The following TEK variants were observed in gnomAD, a reference collection of about 807,000 sequenced individuals.
TEK encodes the protein TEK receptor tyrosine kinase, also known as angiopoietin-1 receptor.
Under a neutral mutation model 131.8 loss-of-function variants are expected in TEK, and 43 were observed. The observed-to-expected ratio is 0.33, with a 90% confidence interval of 0.26 to 0.42. The LOEUF is 0.42. Ranked by LOEUF, TEK falls within the 10% of genes least tolerant of loss-of-function variation. TEK has a pLI of 1.00. For synonymous variants in TEK, 580 were observed against 491.6 expected (o/e 1.18, Z -2.38); for missense variants, 1,162 against 1,384.4 (o/e 0.84, Z 2.55).
intron 18 of TEK, among the ~76,000 whole-genome samples, chr9:27,215,509 T>C (rs1825789916): frequency 6.6e-6 from 1 of 152,000 alleles, no homozygotes; most frequent in Non-Finnish European, 1.5e-5. Context: ...TTGAGTCCTA[T>C]CCTGTGGATA....
At chr9:27,205,775 T>C (rs943160147) in intron 14 of TEK, among the ~76,000 whole-genome samples, 2 of 152,212 alleles carry the variant, frequency 1.3e-5, no homozygotes, top group African/African-American at 2.4e-5. Context: ...GTAAAATTAA[T>C]TTGAACCAGA....
intron 4 of TEK, among the ~76,000 whole-genome samples, chr9:27,170,169 A>C (rs1345846723): frequency 6.6e-6 from 1 of 152,148 alleles, no homozygotes; most frequent in Non-Finnish European, 1.5e-5. Context: ...ACTCACTATC[A>C]TGTGAACAGC....
At chr9:27,214,642 CAT>C (rs1825753694) in intron 18 of TEK, among the ~76,000 whole-genome samples, 1 of 152,146 alleles carries the variant, frequency 6.6e-6, no homozygotes, top group South Asian at 2.1e-4. Flanking sequence ...ACCACCTTGG[CAT>C]ATATATTTTT....
In TEK at chr9:27,173,291, A is replaced by T. The variant is rs767297984; in HGVS notation, c.830A>T (p.Tyr277Phe). 1.2e-6 allele frequency: 2 copies of T among 1,613,978 alleles called. No individual in the cohort carries two copies. The highest frequency in any genetic ancestry group is 2.7e-5 in the African/African-American group (2 of 74,934). ...RCSGQEGCKS[Y>F]VFCLPDPYGC... ...AGTGGACAAGAGGGATGCAAGTCTT[A>T]TGTGTTCTGTCTCCCTGACCCCTAT... Residue 277 changes from tyrosine to phenylalanine, a missense_variant, in exon 6 of 23, where the codon TAT becomes TTT. By Grantham distance (22) the Tyr-to-Phe change is conservative. Around this residue, in one of 6 missense-constraint regions of TEK, gnomAD observed 436 missense variants for 539.1 expected, o/e 0.81. Coordinates refer to ENST00000380036, the MANE Select transcript of TEK (RefSeq NM_000459.5).
chr9:27,194,114 C>T (rs891641807), intron 11 of TEK, among the ~76,000 whole-genome samples: 4 of 152,198 alleles, frequency 2.6e-5, no homozygotes, highest in Non-Finnish European at 5.9e-5. Context: ...GTCCAGGCTC[C>T]ATATCCTTTT....
intron 1 of TEK, among the ~76,000 whole-genome samples, chr9:27,143,522 C>T (rs969591357): frequency 2.6e-5 from 4 of 152,088 alleles, no homozygotes; most frequent in African/African-American, 9.7e-5. Flanking sequence ...AATTTGTGTA[C>T]TAAATGTGAC....
At position 27,155,741 on chromosome 9, in the gene TEK, A is replaced by G. The variant is rs369172950; in HGVS notation, c.53-2090A>G. 1.4e-4 allele frequency among the ~76,000 whole-genome samples: 22 copies of G among 151,878 alleles called. No homozygotes were observed. In the East Asian group the frequency reaches 4.3e-3, roughly 29 times the overall value. On this transcript the variant is annotated intron_variant, in intron 1 of 22. Coordinates refer to ENST00000380036, the MANE Select transcript of TEK (RefSeq NM_000459.5). The stretch of plus-strand genomic sequence containing the variant: ...ATTGTAATGTTTTTTTCCCCAAAAC[A>G]TTGGGAATAATGTTTTTTTGCCCCA...
intron 12 of TEK, among the ~76,000 whole-genome samples, chr9:27,197,891 A>G (rs529177149): frequency 6.6e-6 from 1 of 152,296 alleles, no homozygotes; most frequent in African/African-American, 2.4e-5. Flanking sequence ...TGAACCATTT[A>G]TGGGGTAGTT....
intron 1 of TEK, 131 bp downstream of exon 1, chr9:27,109,773 T>C (rs1238305523): frequency 7.0e-6 from 6 of 853,798 alleles, no homozygotes; most frequent in African/African-American, 1.7e-5. Flanking sequence ...CATTTCTCTG[T>C]GAGTCTCCAG....
chr9:27,219,858 T>C (rs537061724), intron 20 of TEK, among the ~76,000 whole-genome samples, 191 bp from the exon 21 acceptor site: 5 of 152,302 alleles, frequency 3.3e-5, no homozygotes, highest in African/African-American at 1.2e-4. Context: ...GCAATGATCA[T>C]GCTTTGGCAT....
intron 12 of TEK, 69 bp downstream of exon 12, chr9:27,197,668 C>T (rs1825078967): frequency 5.7e-6 from 9 of 1,588,232 alleles, no homozygotes; most frequent in Non-Finnish European, 7.7e-6. Flanking sequence ...ACTTAGCTAA[C>T]ATCACTGCAG....
rs986676339 is a variant in TEK at position 27,212,611 on chromosome 9, A to G, written c.2687-96A>G. On this transcript the variant is annotated intron_variant, in intron 16 of 22. Coordinates refer to ENST00000380036, the MANE Select transcript of TEK (RefSeq NM_000459.5). ...GTGTTGCTAGATGTGTTTTTTAGACAAAATGGAGTTTATAGGCAATTTCCA... is the reference window on the plus strand; with the variant it reads ...GTGTTGCTAGATGTGTTTTTTAGACGAAATGGAGTTTATAGGCAATTTCCA... 5 of 1,376,408 alleles carry G rather than the reference A, an allele frequency of 3.6e-6. No individual in the cohort carries two copies. In the African/African-American group the frequency reaches 7.2e-5, roughly 20 times the overall value. 85.3% of individuals were successfully genotyped at this position (1,376,408 alleles called of 1,614,324 possible).
At chr9:27,129,395 G>A (rs1822124716) in intron 1 of TEK, among the ~76,000 whole-genome samples, 1 of 152,086 alleles carries the variant, frequency 6.6e-6, no homozygotes, top group African/African-American at 2.4e-5. Flanking sequence ...TTCCTTTCCA[G>A]TTCCCAGCCT....
At chr9:27,201,067 A>G (rs935935116) in intron 12 of TEK, among the ~76,000 whole-genome samples, 10 of 152,200 alleles carry the variant, frequency 6.6e-5, no homozygotes, top group Admixed American at 1.3e-4. Flanking sequence ...AAGTAGTGAT[A>G]TCCCGTTTCT....
At chr9:27,122,792 G>A (rs971455999) in intron 1 of TEK, among the ~76,000 whole-genome samples, 6 of 151,976 alleles carry the variant, frequency 3.9e-5, no homozygotes, top group East Asian at 1.9e-4. Flanking sequence ...AGTGGCTCAC[G>A]CCTGTAATCT....
At chr9:27,183,378 C>CTA in intron 7 of TEK, 81 bp from the exon 8 acceptor site, 1 of 1,497,442 alleles carries the variant, frequency 6.7e-7, no homozygotes, top group South Asian at 1.1e-5. Context: ...GCATGACTTA[C>CTA]TAAAGTAGCT....
intron 1 of TEK, among the ~76,000 whole-genome samples, chr9:27,128,064 T>A (rs1180764068): frequency 2.0e-5 from 3 of 152,260 alleles, no homozygotes; most frequent in Non-Finnish European, 4.4e-5. Context: ...GCCTATGTCC[T>A]GAATGGTATT....
rs1564107904 is a variant in TEK, at chr9:27,219,755, T to TCAGAAAA, written c.3104-294_3104-293insCAGAAAA. On this transcript the variant is annotated intron_variant, in intron 20 of 22. Transcript: ENST00000380036. ...AAAAAGGTTAATCTTATTGGTATAA[T>TCAGAAAA]AAAGGTTAATCTTATTGGTATAATA... Among the ~76,000 whole-genome samples, 29 of 139,376 alleles carry TCAGAAAA rather than the reference T, an allele frequency of 2.1e-4. No individual in the cohort carries two copies. In the East Asian group the frequency reaches 5.4e-3, roughly 26 times the overall value. 91.4% of individuals were successfully genotyped at this position (139,376 alleles called of 152,430 possible).
At chr9:27,129,847 A>G (rs1449443106) in intron 1 of TEK, among the ~76,000 whole-genome samples, 1 of 152,200 alleles carries the variant, frequency 6.6e-6, no homozygotes, top group African/African-American at 2.4e-5. Flanking sequence ...TATTCAATAA[A>G]TGAATAGATT....
Sources: gnomAD v4.1 joint callset for allele counts (sites outside exome capture counted in the v4.1 genomes callset) on GRCh38, gnomAD v4.1.1 for gene constraint, gnomAD v4.1.1 regional missense constraint, MANE v1.5 for transcripts, NCBI Gene and HGNC (gene_info 2026-07-23, HGNC 2026-07-21) for gene names.